The following NCOR2 variants were observed in gnomAD, a reference collection of about 807,000 sequenced individuals.
The protein encoded by NCOR2 is nuclear receptor corepressor 2.
A neutral mutation model predicts 262.9 loss-of-function variants in NCOR2; 81 were observed. That is an observed-to-expected ratio of 0.31 (90% confidence interval 0.26 to 0.37). The LOEUF is 0.37. Ranked by LOEUF, NCOR2 falls within the 10% of genes least tolerant of loss-of-function variation. The pLI, the probability that NCOR2 is intolerant of heterozygous loss-of-function variation, is 1.00. For synonymous variants in NCOR2, 1,659 were observed against 1,559.3 expected (o/e 1.06, Z -1.51); for missense variants, 3,385 against 3,621.4 (o/e 0.93, Z 1.68).
At chr12:124,358,301 G>A (rs2038173956) in intron 22 of NCOR2, among the ~76,000 whole-genome samples, 1 of 149,334 alleles carries the variant, frequency 6.7e-6, no homozygotes, top group Non-Finnish European at 1.5e-5. Context: ...GCACGTGCAC[G>A]TGTATGTGCG....
chr12:124,453,957 G>A (rs1037868174), intron 6 of NCOR2, among the ~76,000 whole-genome samples: 3 of 152,220 alleles, frequency 2.0e-5, no homozygotes, highest in South Asian at 2.1e-4. Flanking sequence ...CGTTGGAACT[G>A]CAGCTTCTGA....
At chr12:124,334,477 G>A in exon 41 of NCOR2, 1 of 1,469,684 alleles carries the variant, frequency 6.8e-7, no homozygotes, top group Non-Finnish European at 9.0e-7. Flanking sequence ...CATGGTCCGG[G>A]GGCGGGAGGT....
chr12:124,363,757 G>T, exon 21 of NCOR2: 13 of 1,390,320 alleles, frequency 9.4e-6, no homozygotes, highest in East Asian at 2.8e-5. Context: ...TGGCCCGGGG[G>T]TCGCCAGTCG....
chr12:124,528,236 T>C (rs1394432017), intron 1 of NCOR2, among the ~76,000 whole-genome samples: 1 of 152,178 alleles, frequency 6.6e-6, no homozygotes, highest in Non-Finnish European at 1.5e-5. Context: ...AGGAGACACA[T>C]GTCAGAGCCG....
chr12:124,351,580 G>T (rs1396410766), intron 27 of NCOR2, among the ~76,000 whole-genome samples: 2 of 152,178 alleles, frequency 1.3e-5, no homozygotes, highest in Admixed American at 1.3e-4. Flanking sequence ...TGGAGGATGT[G>T]TTCAAGCAGA....
intron 13 of NCOR2, among the ~76,000 whole-genome samples, chr12:124,403,170 T>C (rs2042074058): frequency 6.6e-6 from 1 of 152,138 alleles, no homozygotes; most frequent in South Asian, 2.1e-4. Context: ...TCTCCGAGTC[T>C]GTAAAACGGG....
chr12:124,435,519 T>C (rs1010017815), intron 8 of NCOR2, among the ~76,000 whole-genome samples: 1 of 152,144 alleles, frequency 6.6e-6, no homozygotes, highest in African/African-American at 2.4e-5. Context: ...AAGTGTCTCC[T>C]CCCTCTAGTA....
At chr12:124,365,027 G>A (rs1447241999) in intron 20 of NCOR2, among the ~76,000 whole-genome samples, 1 of 150,966 alleles carries the variant, frequency 6.6e-6, no homozygotes, top group Admixed American at 6.6e-5. Flanking sequence ...GGGTATGGAG[G>A]TGGCCTGGCC....
intron 23 of NCOR2, among the ~76,000 whole-genome samples, chr12:124,356,235 C>T (rs1463749225): frequency 6.6e-6 from 1 of 152,250 alleles, no homozygotes; most frequent in Non-Finnish European, 1.5e-5. Context: ...TGCTGCTTTA[C>T]AGCTGGTGAG....
Position 124,345,438 on chromosome 12 carries a change from C to A in NCOR2, c.4360-487G>T, listed in dbSNP as rs538682066. ...AGGGCTGAGGTGTTTGCCCTCCAGACAGAAAGGATGGTGAGGAAATGGGGG... is the reference window on the plus strand; with the variant it reads ...AGGGCTGAGGTGTTTGCCCTCCAGAAAGAAAGGATGGTGAGGAAATGGGGG... On this transcript the variant is annotated intron_variant, in intron 31 of 46. Coordinates refer to ENST00000405201, the Ensembl canonical transcript of NCOR2. Among the ~76,000 whole-genome samples the A allele has an allele frequency of 8.5e-5, 13 of 152,276 alleles. No homozygotes were observed. The East Asian group carries it at 1.9e-3, about 23-fold the overall frequency.
At chr12:124,539,807 C>T (rs1332243249), upstream of NCOR2, 2 of 152,504 alleles carry the variant, frequency 1.3e-5, no homozygotes, top group African/African-American at 4.8e-5. The surrounding 1 kb of genome is among the most constrained non-coding windows in gnomAD (Gnocchi z 5.1). Context: ...CCTGCTGGAA[C>T]CAGAACAAGC....
At chr12:124,552,426 C>T (rs2051740901) in intron 1 of NCOR2, among the ~76,000 whole-genome samples, 1 of 152,188 alleles carries the variant, frequency 6.6e-6, no homozygotes, top group Admixed American at 6.5e-5. Context: ...AGCCCTTTAC[C>T]GTTTGCAGGT....
chr12:124,377,970 C>T (rs1205606830), intron 18 of NCOR2, among the ~76,000 whole-genome samples: 1 of 152,062 alleles, frequency 6.6e-6, no homozygotes, highest in Non-Finnish European at 1.5e-5. Flanking sequence ...TAAGACTGGA[C>T]TCATGGGCAT....
chr12:124,545,192 G>A (rs773634448), intron 1 of NCOR2, among the ~76,000 whole-genome samples: 8 of 152,084 alleles, frequency 5.3e-5, no homozygotes, highest in African/African-American at 1.7e-4. Context: ...ACCCAGAAGC[G>A]GGGCCCAGGG....
chr12:124,547,191 C>G (rs911350434), intron 1 of NCOR2, among the ~76,000 whole-genome samples: 1 of 151,976 alleles, frequency 6.6e-6, no homozygotes, highest in Non-Finnish European at 1.5e-5. Context: ...CGGGGTTTCA[C>G]CATGTTGGCC....
chr12:124,336,871 G>A (rs762743826), exon 38 of NCOR2: 21 of 1,610,776 alleles, frequency 1.3e-5, no homozygotes, highest in South Asian at 2.2e-5. Flanking sequence ...GGTGAGGTGC[G>A]AGGTTCTTCG....
intron 5 of NCOR2, among the ~76,000 whole-genome samples, chr12:124,460,940 G>A (rs1453261332): frequency 6.6e-6 from 1 of 152,228 alleles, no homozygotes; most frequent in Admixed American, 6.5e-5. Context: ...GCTCCTGTCT[G>A]CATCTTCCCC....
chr12:124,493,928 G>A (rs932329730), intron 1 of NCOR2, among the ~76,000 whole-genome samples: 5 of 152,156 alleles, frequency 3.3e-5, no homozygotes, highest in African/African-American at 7.2e-5. Context: ...CCTCATCTGC[G>A]AAGTGGGATG....
chr12:124,546,370 CG>C (rs894991493), intron 1 of NCOR2, among the ~76,000 whole-genome samples: 1 of 152,182 alleles, frequency 6.6e-6, no homozygotes, highest in Non-Finnish European at 1.5e-5. Flanking sequence ...TGAAAACAAA[CG>C]GAAAATTCCA....
Sources: allele counts gnomAD v4.1 joint callset (sites outside exome capture counted in the v4.1 genomes callset), GRCh38; gene constraint gnomAD v4.1.1; non-coding constraint Gnocchi (gnomAD v3.1); transcripts MANE v1.5; gene names NCBI Gene and HGNC (gene_info 2026-07-23, HGNC 2026-07-21).